PKHD1L1: variants seen among roughly 807,000 people sequenced by gnomAD.
PKHD1L1 encodes PKHD1 like 1.
A neutral mutation model predicts 462.9 loss-of-function variants in PKHD1L1; 434 were observed. That is an observed-to-expected ratio of 0.94 (90% CI 0.87 to 1.02). The LOEUF (loss-of-function observed/expected upper bound fraction) is 1.02, where lower values mean the gene tolerates loss of function less well. Ranked by LOEUF, PKHD1L1 falls within the 50% of genes least tolerant of loss-of-function variation. The pLI, the probability that PKHD1L1 is intolerant of heterozygous loss-of-function variation, is 0.00. For synonymous variants in PKHD1L1, 1,781 were observed against 1,750.0 expected (o/e 1.02, Z -0.44); for missense variants, 5,202 against 5,096.1 (o/e 1.02, Z -0.63).
chr8:109,391,848 T>C (rs1812727606), intron 9 of PKHD1L1, among the ~76,000 whole-genome samples: 1 of 152,200 alleles, frequency 6.6e-6, no homozygotes, highest in South Asian at 2.1e-4. Flanking sequence ...TACACTATCA[T>C]TGTATTTAGA....
chr8:109,391,241 G>C (rs1423120159), intron 9 of PKHD1L1, among the ~76,000 whole-genome samples: 1 of 152,160 alleles, frequency 6.6e-6, no homozygotes, highest in Admixed American at 6.6e-5. Context: ...TGAGACTTAG[G>C]AACATTAGGT....
At chr8:109,430,650 G>T (rs1195805518) in intron 27 of PKHD1L1, among the ~76,000 whole-genome samples, 1 of 151,712 alleles carries the variant, frequency 6.6e-6, no homozygotes, top group African/African-American at 2.4e-5. Context: ...GGATAGTAAG[G>T]GATGGCTTTT....
chr8:109,518,550 A>G, intron 73 of PKHD1L1, 42 bp downstream of exon 73: 1 of 1,476,008 alleles, frequency 6.8e-7, no homozygotes. Flanking sequence ...TGCAATTACC[A>G]AATCCATATC....
At chr8:109,516,923 T>A (rs1820297280) in intron 72 of PKHD1L1, among the ~76,000 whole-genome samples, 3 of 152,112 alleles carry the variant, frequency 2.0e-5, no homozygotes, top group Admixed American at 2.0e-4. Context: ...TCGCTTCTTA[T>A]CACATTTCAT....
chr8:109,504,502 A>C lies in PKHD1L1; in HGVS notation c.10994+10A>C, dbSNP rs771484819. 2.1e-6 allele frequency: 3 copies of C among 1,434,286 alleles called. No individual in the cohort carries two copies. The highest frequency in any genetic ancestry group is 2.8e-6 in the Non-Finnish European group (3 of 1,076,512). 88.8% of individuals were successfully genotyped at this position (1,434,286 alleles called of 1,614,324 possible). ...ATAGGCCTGATATAAGGTAAAATACATAAAAATTGTGGTTTTTCTATCTTT... is the reference window on the plus strand; with the variant it reads ...ATAGGCCTGATATAAGGTAAAATACCTAAAAATTGTGGTTTTTCTATCTTT... On this transcript the variant is annotated intron_variant, in intron 68 of 77. Transcript: ENST00000378402.
chr8:109,451,622 G>A (rs1289213878), intron 41 of PKHD1L1, among the ~76,000 whole-genome samples: 1 of 152,084 alleles, frequency 6.6e-6, no homozygotes, highest in Non-Finnish European at 1.5e-5. Flanking sequence ...TCAAATTTGT[G>A]TACTGCATTG....
At chr8:109,408,330 A>G in intron 18 of PKHD1L1, 124 bp downstream of exon 18, 1 of 858,374 alleles carries the variant, frequency 1.2e-6, no homozygotes, top group East Asian at 2.9e-5. Flanking sequence ...ATTATTTATC[A>G]CCTGATCAAC....
chr8:109,387,884 G>A (rs914112954), intron 6 of PKHD1L1, among the ~76,000 whole-genome samples: 2 of 152,118 alleles, frequency 1.3e-5, no homozygotes, highest in African/African-American at 4.8e-5. Context: ...TCAGTCACCT[G>A]CCAGCCTCCA....
chr8:109,504,611 A>C (rs1819600905), intron 68 of PKHD1L1, 119 bp downstream of exon 68: 1 of 547,814 alleles, frequency 1.8e-6, no homozygotes, highest in Non-Finnish European at 3.0e-6. Context: ...ATGATACTTT[A>C]ATGAGCATTA....
Position 109,436,414 on chromosome 8 carries a change from T to A in PKHD1L1, c.3582T>A (p.Asn1194Lys). 6.2e-7 allele frequency: 1 copy of A among 1,613,466 alleles called. No individual in the cohort carries two copies. The highest frequency in any genetic ancestry group is 8.5e-7 in the Non-Finnish European group (1 of 1,179,704). ...TATTAGTTGGAAATGAAACCTGCAA[T>A]GTGATTGAAGGGGATTTGAATAGGA... is the stretch of plus-strand genomic sequence containing the variant. ...SKVLVGNETC[N>K]VIEGDLNRIT... Residue 1194 changes from asparagine to lysine, a missense_variant, in exon 30 of 78, where the codon AAT becomes AAA. Around this residue, in one of 3 missense-constraint regions of PKHD1L1, gnomAD observed 4,497 missense variants for 4,336.8 expected, o/e 1.04. Coordinates refer to ENST00000378402, the MANE Select transcript of PKHD1L1 (RefSeq NM_177531.6).
Position 109,533,961 on chromosome 8 carries a change from C to T in PKHD1L1, c.*3871C>T, listed in dbSNP as rs1448599956. On this transcript the variant is annotated 3_prime_UTR_variant, in exon 78 of 78. Transcript: ENST00000378402. ...GTTCCTGACATTGTGGTGCCCTATA[C>T]CAGCCCTTGCTCCTTTAGGGTTTCA... Among the ~76,000 whole-genome samples the T allele has an allele frequency of 6.6e-6, 1 of 152,212 alleles. No individual in the cohort carries two copies. The highest frequency in any genetic ancestry group is 1.9e-4 in the East Asian group (1 of 5,192).
At chr8:109,375,996 C>A (rs945026780) in intron 2 of PKHD1L1, among the ~76,000 whole-genome samples, 4 of 152,202 alleles carry the variant, frequency 2.6e-5, no homozygotes, top group Non-Finnish European at 4.4e-5. Context: ...TCTCAAGCTG[C>A]ATGCTGGGAG....
rs1821052496 is a variant in PKHD1L1 at position 109,532,029 on chromosome 8, G to A, written c.*1939G>A. Among the ~76,000 whole-genome samples, 1 of 152,068 alleles carries A rather than the reference G, an allele frequency of 6.6e-6. No homozygotes were observed. The highest frequency in any genetic ancestry group is 6.6e-5 in the Admixed American group (1 of 15,266). On this transcript the variant is annotated 3_prime_UTR_variant, in exon 78 of 78. Transcript: ENST00000378402. ...TCTATGGAACAAATTCCTACATTTG[G>A]GTTCTGGAAGAGATACAAAAATATT...
chr8:109,504,458 C>G lies in PKHD1L1; in HGVS notation c.10960C>G (p.Gln3654Glu). 6.5e-7 allele frequency: 1 copy of G among 1,543,422 alleles called. No homozygotes were observed. The highest frequency in any genetic ancestry group is 8.8e-7 in the Non-Finnish European group (1 of 1,142,378). ...KNIKLVDTTE[Q>E]SKIFIHRPDI... ...TATAAAACTGGTTGATACCACTGAACAATCAAAAATATTTATACATAGGCC... is the reference window on the plus strand; with the variant it reads ...TATAAAACTGGTTGATACCACTGAAGAATCAAAAATATTTATACATAGGCC... The change falls in exon 68 of 78, where the codon CAA becomes GAA. Residue 3654 changes from glutamine (Q) to glutamate (E), a missense_variant. By Grantham distance (29) the Gln-to-Glu change is conservative. Around this residue, in one of 3 missense-constraint regions of PKHD1L1, gnomAD observed 698 missense variants for 736.3 expected, o/e 0.95. Transcript: ENST00000378402.
chr8:109,470,517 A>C, intron 50 of PKHD1L1: 1 of 1,610,954 alleles, frequency 6.2e-7, no homozygotes, highest in South Asian at 1.1e-5. Flanking sequence ...AAGAAAGGGA[A>C]AAGAAGCAGG....
chr8:109,484,933 C>T (rs1322512541), intron 57 of PKHD1L1, 111 bp from the exon 58 acceptor site: 5 of 833,862 alleles, frequency 6.0e-6, no homozygotes, highest in Non-Finnish European at 8.9e-6. Context: ...CTGATAATAC[C>T]ATAATTGCCA....
At chr8:109,425,278 T>G in intron 24 of PKHD1L1, 46 bp downstream of exon 24, 1 of 1,415,756 alleles carries the variant, frequency 7.1e-7, no homozygotes, top group South Asian at 1.8e-5. Flanking sequence ...CACACACATA[T>G]GTATAACCTT....
intron 59 of PKHD1L1, among the ~76,000 whole-genome samples, chr8:109,487,827 A>T (rs956527619): frequency 6.6e-6 from 1 of 150,652 alleles, no homozygotes; most frequent in African/African-American, 2.4e-5. Flanking sequence ...CAGCCTGGGC[A>T]CTATAGTGAG....
intron 48 of PKHD1L1, among the ~76,000 whole-genome samples, chr8:109,463,914 C>G (rs1817274003): frequency 6.6e-6 from 1 of 152,092 alleles, no homozygotes; most frequent in Admixed American, 6.6e-5. Context: ...GAAAAGAAGT[C>G]TTTCAAGATG....
Sources: gnomAD v4.1 joint callset for allele counts (sites outside exome capture counted in the v4.1 genomes callset) on GRCh38, gnomAD v4.1.1 for gene constraint, gnomAD v4.1.1 regional missense constraint, MANE v1.5 for transcripts, NCBI Gene and HGNC (gene_info 2026-07-23, HGNC 2026-07-21) for gene names.